The following MFSD8 variants were observed in gnomAD, a reference collection of about 807,000 sequenced individuals.
MFSD8 encodes major facilitator superfamily domain containing 8.
A neutral mutation model predicts 66.4 loss-of-function variants in MFSD8; 55 were observed. The ratio of observed to expected loss-of-function variants is 0.83; its 90% CI spans 0.67 to 1.04. The LOEUF (loss-of-function observed/expected upper bound fraction) is 1.04, where lower values mean the gene tolerates loss of function less well. MFSD8 is among the 50% of genes least tolerant of loss of function. The probability of loss-of-function intolerance (pLI) is 0.00; values close to 1 mark genes in which losing one functional copy is unlikely to be tolerated. For missense variants in MFSD8, 550 were observed against 627.6 expected (o/e 0.88, Z 1.32); for synonymous variants, 202 against 212.8 (o/e 0.95, Z 0.44).
chr4:127,939,144 T>C (rs562257300), intron 6 of MFSD8: 6 of 205,254 alleles, frequency 2.9e-5, no homozygotes, highest in South Asian at 1.5e-4. Context: ...TTTTAGACTA[T>C]TGAATAAAGC....
At chr4:127,942,399 T>A (rs986000961) in intron 4 of MFSD8, among the ~76,000 whole-genome samples, 3 of 152,120 alleles carry the variant, frequency 2.0e-5, no homozygotes, top group African/African-American at 7.2e-5. Context: ...AAAAATGGTA[T>A]CATAAGAAAA....
intron 9 of MFSD8, among the ~76,000 whole-genome samples, chr4:127,928,582 G>C (rs1245654903): frequency 2.6e-5 from 4 of 152,188 alleles, no homozygotes; most frequent in Non-Finnish European, 5.9e-5. Context: ...TAATCAAAAA[G>C]AGGGAATAAT....
upstream of MFSD8, chr4:127,965,360 C>T (rs1016341606): frequency 3.2e-6 from 2 of 615,582 alleles, no homozygotes; most frequent in East Asian, 2.8e-5. Flanking sequence ...CACGCGCCTC[C>T]CATCCTGACG....
upstream of MFSD8, chr4:127,965,425 C>G (rs1744949065): frequency 2.3e-5 from 13 of 555,172 alleles, no homozygotes; most frequent in South Asian, 2.2e-4. Flanking sequence ...CGCCGCCCTG[C>G]TCCGGGTTTG....
chr4:127,929,322 C>CAAAAAAAAAAAAAAAAAAAAAA lies in MFSD8; in HGVS notation c.998+1339_998+1360dup, dbSNP rs543453360. On this transcript the variant is annotated intron_variant, in intron 9 of 11. Coordinates refer to ENST00000641686, the MANE Select transcript of MFSD8 (RefSeq NM_001371596.2). ...TGGGCAACAGAGCGAGACTCCGTCA[C>CAAAAAAAAAAAAAAAAAAAAAA]AAAAAAAAAAAAAAAAAAAAAAAAA... is the stretch of plus-strand genomic sequence containing the variant. Among the ~76,000 whole-genome samples, 2 of 30,362 alleles carry CAAAAAAAAAAAAAAAAAAAAAA rather than the reference C, an allele frequency of 6.6e-5. 1 individual carries two copies. The highest frequency in any genetic ancestry group is 3.7e-4 in the African/African-American group (2 of 5,404). The allele number at this position is 30,362 out of a possible 152,430, so 19.9% of individuals were successfully genotyped here.
Position 127,939,944 on chromosome 4 carries a change from T to A in MFSD8, c.607A>T (p.Ile203Phe). 6.2e-7 allele frequency: 1 copy of A among 1,613,662 alleles called. No homozygotes were observed. The highest frequency in any genetic ancestry group is 1.3e-5 in the African/African-American group (1 of 75,024). The change falls in exon 6 of 12, where the codon ATT (isoleucine) becomes TTT (phenylalanine). Residue 203 changes from isoleucine to phenylalanine, a missense_variant. Coordinates refer to ENST00000641686, the MANE Select transcript of MFSD8 (RefSeq NM_001371596.2). The stretch of plus-strand genomic sequence containing the variant: ...GTATACATGTTTATCTGCAGTTTAA[T>A]CACATCCCATGTCACACCTTTTTCT... ...LGEKGVTWDV[I>F]KLQINMYTTP...
At position 127,940,066 on chromosome 4, in the gene MFSD8, C is replaced by T. The variant is rs541338259; in HGVS notation, c.554-69G>A. 2.2e-6 allele frequency: 3 copies of T among 1,355,192 alleles called. No homozygotes were observed. In the Admixed American group the frequency reaches 5.2e-5, roughly 24 times the overall value. The allele number at this position is 1,355,192 out of a possible 1,614,324, so 83.9% of individuals were successfully genotyped here. A position where few individuals can be genotyped will look rare whatever the true frequency, so the allele number is the denominator to read the frequency against. ...GCATAGGATAAAAAAATGAAAAAGA[C>T]ATTTACAACAGAATTGGGAACAATG... On this transcript the variant is annotated intron_variant, in intron 5 of 11. Coordinates refer to ENST00000641686, the MANE Select transcript of MFSD8 (RefSeq NM_001371596.2).
intron 11 of MFSD8, chr4:127,921,051 T>C (rs1736273445): frequency 1.7e-6 from 1 of 592,420 alleles, no homozygotes; most frequent in East Asian, 2.8e-5. Flanking sequence ...AAACTTACTG[T>C]CTGCTGAAGC....
chr4:127,924,942 T>C (rs1280966485), intron 9 of MFSD8, among the ~76,000 whole-genome samples: 3 of 151,924 alleles, frequency 2.0e-5, no homozygotes, highest in Admixed American at 2.0e-4. Context: ...ACACCACACA[T>C]CTACAACCAT....
chr4:127,922,659 A>G (rs1736509979), intron 9 of MFSD8, among the ~76,000 whole-genome samples: 1 of 152,088 alleles, frequency 6.6e-6, no homozygotes, highest in South Asian at 2.1e-4. Flanking sequence ...CTATGAATTC[A>G]TAGTATATTA....
At chr4:127,957,692 G>A in intron 1 of MFSD8, 100 bp from the exon 2 acceptor site, 1 of 809,090 alleles carries the variant, frequency 1.2e-6, no homozygotes, top group Non-Finnish European at 2.1e-6. Flanking sequence ...TGATGTGATA[G>A]AGGTAGAATT....
rs185047041 is a variant in MFSD8, at chr4:127,920,810, T to C, written c.1377A>G (p.Ala459=). The change falls in exon 12 of 12, where the codon GCA becomes GCG. Residue 459 remains alanine (A), a synonymous_variant. Coordinates refer to ENST00000641686, the MANE Select transcript of MFSD8 (RefSeq NM_001371596.2). The part of the protein sequence containing the change: ...PQGVYMGWLT[A]SGSGARILGP... ...CAAGAATCCGGGCTCCACTTCCAGA[T>C]GCTGTTAACCAGCCCATGTATACAC... is the stretch of plus-strand genomic sequence containing the variant. 7.4e-6 allele frequency: 12 copies of C among 1,614,066 alleles called. No individual in the cohort carries two copies. In the African/African-American group the frequency reaches 1.5e-4, roughly 20 times the overall value.
chr4:127,954,141 C>A (rs994438418), intron 2 of MFSD8, among the ~76,000 whole-genome samples: 8 of 152,146 alleles, frequency 5.3e-5, no homozygotes, highest in Non-Finnish European at 1.2e-4. Context: ...ATCCTTTTAA[C>A]ATGGTTATAG....
chr4:127,945,271 T>C (rs1740847119), intron 3 of MFSD8: 1 of 152,178 alleles, frequency 6.6e-6, no homozygotes, highest in South Asian at 2.1e-4. Context: ...TAAGGAAAAC[T>C]ATGACCTTTT....
At chr4:127,923,547 T>TTTTATTTA (rs199806940) in intron 9 of MFSD8, among the ~76,000 whole-genome samples, 54 of 133,236 alleles carry the variant, frequency 4.1e-4, no homozygotes, top group African/African-American at 1.6e-3. Flanking sequence ...TATTTTTTAT[T>TTTTATTTA]TTTATTTATT....
At chr4:127,928,232 T>A (rs1343305752) in intron 9 of MFSD8, among the ~76,000 whole-genome samples, 1 of 151,974 alleles carries the variant, frequency 6.6e-6, no homozygotes, top group African/African-American at 2.4e-5. Context: ...AGTAGAAAAA[T>A]TTTTTTGTTT....
rs1736198203 is a variant in MFSD8, at chr4:127,920,569, G to T, written c.*61C>A. On this transcript the variant is annotated 3_prime_UTR_variant, in exon 12 of 12. Coordinates refer to ENST00000641686, the MANE Select transcript of MFSD8 (RefSeq NM_001371596.2). ...GAGACTGGCTCACCGCAATTGTCTA[G>T]CAGAGCTTTAGACCAGGAAGTGCCA... 6.5e-7 allele frequency: 1 copy of T among 1,546,598 alleles called. No homozygotes were observed. Among genetic ancestry groups the T allele is most frequent in the Non-Finnish European group, 8.9e-7 (1 of 1,121,432 alleles).
At chr4:127,959,414 A>T (rs143217357) in intron 1 of MFSD8, among the ~76,000 whole-genome samples, 106 of 152,304 alleles carry the variant, frequency 7.0e-4, no homozygotes, top group Middle Eastern at 3.4e-3. Flanking sequence ...TTTTTAAAGA[A>T]TATAAGGTAT....
intron 7 of MFSD8, among the ~76,000 whole-genome samples, chr4:127,936,281 T>A (rs536440415): frequency 6.6e-6 from 1 of 152,160 alleles, no homozygotes; most frequent in South Asian, 2.1e-4. Context: ...ACCCAGCTAA[T>A]ATTTATATTT....
Sources: gnomAD v4.1 joint callset for allele counts (sites outside exome capture counted in the v4.1 genomes callset) on GRCh38, gnomAD v4.1.1 for gene constraint, MANE v1.5 for transcripts, NCBI Gene and HGNC (gene_info 2026-07-23, HGNC 2026-07-21) for gene names.